TCEA1: variants seen among roughly 807,000 people sequenced by gnomAD.
The protein encoded by TCEA1 is transcription elongation factor A protein 1.
TCEA1 carries 21 observed loss-of-function variants against 43.8 expected under a neutral mutation model. That is an observed-to-expected ratio of 0.48 (90% CI 0.34 to 0.69). The LOEUF (loss-of-function observed/expected upper bound fraction) is 0.69, where lower values mean the gene tolerates loss of function less well. Ranked by LOEUF, TCEA1 falls within the 30% of genes least tolerant of loss-of-function variation. The pLI, the probability that TCEA1 is intolerant of heterozygous loss-of-function variation, is 0.01. For missense variants in TCEA1, 250 were observed against 365.1 expected, an observed-to-expected ratio of 0.68 and a Z score of 2.57; for synonymous variants, 104 against 117.5, an observed-to-expected ratio of 0.88 and a Z score of 0.75.
chr8:53,972,094 G>T, intron 8 of TCEA1: 1 of 266,264 alleles, frequency 3.8e-6, no homozygotes. Context: ...TCTAAGACAA[G>T]AAGAGAAATG....
At chr8:53,999,601 C>T (rs28507589) in intron 3 of TCEA1, 28,963 of 245,578 alleles carry the variant, frequency 0.12, 6,223 homozygotes, top group African/African-American at 0.52. Context: ...ATAAAGGATA[C>T]GGCATTCTTT....
At chr8:54,020,440 T>C (rs1029071841) in intron 1 of TCEA1, among the ~76,000 whole-genome samples, 1 of 152,044 alleles carries the variant, frequency 6.6e-6, no homozygotes, top group African/African-American at 2.4e-5. Flanking sequence ...CAAATACAGA[T>C]TAACAGGGTA....
intron 2 of TCEA1, among the ~76,000 whole-genome samples, chr8:54,006,124 T>TA (rs1214533590): frequency 1.7e-4 from 26 of 152,336 alleles, no homozygotes; most frequent in Non-Finnish European, 3.4e-4. Context: ...ATTATGTACT[T>TA]AGATTGACAA....
At chr8:53,996,683 T>G (rs1473890086) in intron 3 of TCEA1, among the ~76,000 whole-genome samples, 1 of 146,824 alleles carries the variant, frequency 6.8e-6, no homozygotes, top group Admixed American at 6.6e-5. Context: ...TAAATCATTC[T>G]GAAACCAATA....
chr8:54,019,082 TATTTAGCAGAATACCTGGCTCAGAGTA>T (rs1804936382), intron 1 of TCEA1, among the ~76,000 whole-genome samples: 1 of 152,208 alleles, frequency 6.6e-6, no homozygotes, highest in African/African-American at 2.4e-5. Flanking sequence ...GGTGGGTAAG[TATTTAGCAGAATACCTGGCTCAGAGTA>T]ATAGCTCAAT....
At chr8:53,990,508 T>C (rs1803843805) in intron 4 of TCEA1, among the ~76,000 whole-genome samples, 1 of 152,008 alleles carries the variant, frequency 6.6e-6, no homozygotes, top group South Asian at 2.1e-4. Context: ...ACCACAGGCA[T>C]GTGCCATCAC....
chr8:53,992,741 T>C (rs551043931), intron 4 of TCEA1, among the ~76,000 whole-genome samples: 5 of 152,152 alleles, frequency 3.3e-5, no homozygotes, highest in East Asian at 1.9e-4. Flanking sequence ...TCAAGAACCA[T>C]TGCTTTAAAT....
intron 3 of TCEA1, among the ~76,000 whole-genome samples, chr8:53,998,469 A>AGGCAG (rs1184544553): frequency 6.6e-6 from 1 of 152,154 alleles, no homozygotes; most frequent in Non-Finnish European, 1.5e-5. Context: ...GCCCTACTTG[A>AGGCAG]GGCAGGGGAC....
At chr8:53,988,403 T>A (rs1472482990) in intron 4 of TCEA1, 144 bp from the exon 5 acceptor site, 2 of 981,540 alleles carry the variant, frequency 2.0e-6, no homozygotes, top group Non-Finnish European at 2.8e-6. Context: ...GGAAAAAAAA[T>A]TGCCTGCATA....
At position 54,022,175 on chromosome 8, in the gene TCEA1, G is replaced by A; in HGVS notation, c.-50C>T. ...CCACCCCGCTGGCAAGGGGAAGTGG[G>A]CGAAGCTGGAGCGGAAGACACAGCA... On this transcript the variant is annotated 5_prime_UTR_variant, in exon 1 of 10. Transcript: ENST00000521604. The A allele has an allele frequency of 6.3e-7, 1 of 1,581,596 alleles. No homozygotes were observed. The highest frequency in any genetic ancestry group is 8.6e-7 in the Non-Finnish European group (1 of 1,157,146).
At chr8:54,009,369 C>T (rs1373162140) in intron 2 of TCEA1, among the ~76,000 whole-genome samples, 1 of 152,090 alleles carries the variant, frequency 6.6e-6, no homozygotes, top group Non-Finnish European at 1.5e-5. Context: ...GTATCTGCAC[C>T]CCTCATGTTT....
At chr8:53,969,800 A>G (rs73680388) in intron 9 of TCEA1, among the ~76,000 whole-genome samples, 12,116 of 152,188 alleles carry the variant, frequency 0.08, 1,572 homozygotes, top group African/African-American at 0.27. Context: ...TAGTACTGAT[A>G]TGTATTTCTG....
Position 54,022,295 on chromosome 8 carries a change from G to GCGA in TCEA1, c.-171_-170insTCG. On this transcript the variant is annotated 5_prime_UTR_variant, in exon 1 of 10. Transcript: ENST00000521604. ...GAAGCCCGCGGCGGCGGCGGCGGCG[G>GCGA]CGGCGGCTCCGGCTCCTCCTCCCCA... 1.2e-6 allele frequency: 1 copy of GCGA among 813,874 alleles called. No homozygotes were observed. The highest frequency in any genetic ancestry group is 3.0e-5 in the East Asian group (1 of 33,048). The allele number at this position is 813,874 out of a possible 1,614,324, so 50.4% of individuals were successfully genotyped here.
At chr8:53,993,327 T>TA (rs536609902) in intron 4 of TCEA1, 469 of 154,206 alleles carry the variant, frequency 3.0e-3, no homozygotes, top group Middle Eastern at 8.7e-3. Context: ...AAAATAAATC[T>TA]AAAAAAAAAA....
intron 1 of TCEA1, among the ~76,000 whole-genome samples, chr8:54,021,313 T>C (rs796114547): frequency 9.9e-5 from 15 of 152,276 alleles, no homozygotes; most frequent in African/African-American, 3.6e-4. Flanking sequence ...AGCATATGCT[T>C]ACATGAATAT....
At chr8:53,976,161 A>G (rs1001892421) in intron 8 of TCEA1, among the ~76,000 whole-genome samples, 43 of 152,316 alleles carry the variant, frequency 2.8e-4, no homozygotes, top group African/African-American at 1.0e-3. Flanking sequence ...AGGTATACTG[A>G]AATTCCGTAA....
intron 7 of TCEA1, among the ~76,000 whole-genome samples, chr8:53,983,494 A>G (rs1803582870): frequency 6.6e-6 from 1 of 152,236 alleles, no homozygotes; most frequent in Admixed American, 6.5e-5. Flanking sequence ...TAAAAATTTA[A>G]GAAATAATCA....
At position 53,990,777 on chromosome 8, in the gene TCEA1, C is replaced by T. The variant is rs1803850686; in HGVS notation, c.321-2518G>A. Among the ~76,000 whole-genome samples, 6 of 152,332 alleles carry T rather than the reference C, an allele frequency of 3.9e-5. No individual in the cohort carries two copies. The South Asian group carries it at 1.2e-3, about 32-fold the overall frequency. ...ATATGGGCTGAGGGAAACTTTTCCT[C>T]ACTAGTTTCACTACTGCTGGTCCCA... On this transcript the variant is annotated intron_variant, in intron 4 of 9. Coordinates refer to ENST00000521604, the MANE Select transcript of TCEA1 (RefSeq NM_006756.4).
At chr8:54,016,474 G>A (rs1804831110) in intron 1 of TCEA1, among the ~76,000 whole-genome samples, 1 of 151,968 alleles carries the variant, frequency 6.6e-6, no homozygotes, top group Non-Finnish European at 1.5e-5. Flanking sequence ...GTACAGCAAT[G>A]TTTTTAACAG....
Sources: gnomAD v4.1 joint callset for allele counts (sites outside exome capture counted in the v4.1 genomes callset) on GRCh38, gnomAD v4.1.1 for gene constraint, MANE v1.5 for transcripts, NCBI Gene and HGNC (gene_info 2026-07-23, HGNC 2026-07-21) for gene names.